HS2ST1: variants seen among roughly 807,000 people sequenced by gnomAD.
HS2ST1 encodes 2-O-sulfotransferase.
Under a neutral mutation model 42.9 loss-of-function variants are expected in HS2ST1, and 18 were observed. The observed-to-expected ratio is 0.42, with a 90% confidence interval of 0.29 to 0.62. HS2ST1 has a LOEUF of 0.62. HS2ST1 is among the 20% of genes least tolerant of loss of function. HS2ST1 has a pLI of 0.21. For synonymous variants in HS2ST1, 146 were observed against 152.9 expected, an observed-to-expected ratio of 0.95 and a Z score of 0.33; for missense variants, 334 against 433.8, an observed-to-expected ratio of 0.77 and a Z score of 2.04.
At chr1:87,095,946 T>A (rs1181520563) in intron 4 of HS2ST1, among the ~76,000 whole-genome samples, 1 of 151,600 alleles carries the variant, frequency 6.6e-6, no homozygotes, top group African/African-American at 2.4e-5. Context: ...TCATCTGGCT[T>A]ACTATAGACA....
chr1:87,096,283 T>C (rs1652064806), intron 4 of HS2ST1, among the ~76,000 whole-genome samples: 1 of 152,220 alleles, frequency 6.6e-6, no homozygotes, highest in African/African-American at 2.4e-5. Flanking sequence ...TCTATTGATA[T>C]GTTTTACACT....
chr1:87,049,792 T>C (rs1286689584), intron 1 of HS2ST1, among the ~76,000 whole-genome samples: 1 of 152,076 alleles, frequency 6.6e-6, no homozygotes, highest in East Asian at 1.9e-4. Context: ...ATGATATTGT[T>C]CAAATTTGCT....
Position 87,048,883 on chromosome 1 carries a change from AG to A in HS2ST1, c.125-24048del, listed in dbSNP as rs1159553521. On this transcript the variant is annotated intron_variant, in intron 1 of 6. Coordinates refer to ENST00000370550, the MANE Select transcript of HS2ST1 (RefSeq NM_012262.4). ...AATGTTGTTAATTTTTGCCTCTATAAGGGATTTCATGTCTGATTTTGGTATC... is the reference window on the plus strand; with the variant it reads ...AATGTTGTTAATTTTTGCCTCTATAAGGATTTCATGTCTGATTTTGGTATC... Among the ~76,000 whole-genome samples the A allele has an allele frequency of 2.6e-5, 4 of 152,262 alleles. No individual in the cohort carries two copies. The East Asian group carries it at 7.7e-4, about 29-fold the overall frequency.
intron 1 of HS2ST1, among the ~76,000 whole-genome samples, chr1:87,028,922 A>G (rs1397650343): frequency 6.6e-6 from 1 of 152,198 alleles, no homozygotes; most frequent in Admixed American, 6.5e-5. Context: ...TACTTTATAC[A>G]AAGGTAGTGA....
chr1:87,020,361 G>A (rs2100586859), intron 1 of HS2ST1, among the ~76,000 whole-genome samples: 1 of 152,256 alleles, frequency 6.6e-6, no homozygotes, highest in South Asian at 2.1e-4. Context: ...TGTCTGATCA[G>A]CTACTATTTG....
Position 87,073,012 on chromosome 1 carries a change from T to TA in HS2ST1, c.204dup (p.Asp69ArgfsTer2). 1 of 1,614,094 alleles carries TA rather than the reference T, an allele frequency of 6.2e-7. No homozygotes were observed. The highest frequency in any genetic ancestry group is 1.7e-5 in the Admixed American group (1 of 60,012). On this transcript the variant is annotated frameshift_variant, in exon 2 of 7. Coordinates refer to ENST00000370550, the MANE Select transcript of HS2ST1 (RefSeq NM_012262.4). LOFTEE classifies it high-confidence loss of function. ...GATGGCCCTCGGCAAGATGCCACTT[T>TA]AGATGAGGAAGAGGACATGGTGATC... is the stretch of plus-strand genomic sequence containing the variant.
At chr1:87,028,020 G>A (rs1367222978) in intron 1 of HS2ST1, among the ~76,000 whole-genome samples, 2 of 152,196 alleles carry the variant, frequency 1.3e-5, no homozygotes, top group African/African-American at 4.8e-5. Context: ...GTTAAGAAAT[G>A]CTACCTTAGA....
chr1:86,973,237 A>G (rs1182965368), intron 1 of HS2ST1, among the ~76,000 whole-genome samples: 1 of 150,332 alleles, frequency 6.7e-6, no homozygotes, highest in African/African-American at 2.5e-5. Context: ...TTTTTTTTAA[A>G]TCTAACTAAT....
At chr1:87,059,878 C>A (rs918680747) in intron 1 of HS2ST1, among the ~76,000 whole-genome samples, 2 of 152,112 alleles carry the variant, frequency 1.3e-5, no homozygotes, top group African/African-American at 4.8e-5. Context: ...ATTCTACTTA[C>A]AATTTGAATA....
chr1:87,092,077 C>T (rs1651959389), intron 3 of HS2ST1, among the ~76,000 whole-genome samples: 1 of 152,010 alleles, frequency 6.6e-6, no homozygotes, highest in Admixed American at 6.6e-5. Flanking sequence ...TTGAAACTTT[C>T]TGTAGCAGCA....
intron 1 of HS2ST1, chr1:87,064,496 T>C (rs1316890556): frequency 3.9e-6 from 2 of 518,726 alleles, no homozygotes; most frequent in South Asian, 2.8e-5. Flanking sequence ...GGATGATTCA[T>C]ATAACCATAA....
At chr1:87,094,354 C>T (rs1380950076) in intron 4 of HS2ST1, among the ~76,000 whole-genome samples, 1 of 151,962 alleles carries the variant, frequency 6.6e-6, no homozygotes, top group Non-Finnish European at 1.5e-5. Flanking sequence ...TAATTATTAA[C>T]AGTAATAATA....
At position 86,984,390 on chromosome 1, in the gene HS2ST1, C is replaced by T. The variant is rs75988966; in HGVS notation, c.124+69230C>T. Among the ~76,000 whole-genome samples the T allele has an allele frequency of 3.1e-4, 47 of 152,200 alleles. No individual in the cohort carries two copies. The South Asian group carries it at 4.1e-3, about 13-fold the overall frequency. On this transcript the variant is annotated intron_variant, in intron 1 of 6. Transcript: ENST00000370550. The stretch of plus-strand genomic sequence containing the variant: ...TAGCTTGGAATTCATTTGGTTTCCT[C>T]GACGCTTTCTAGCAGGAAGCTTTTC...
At chr1:87,100,320 A>G (rs1181256323) in intron 5 of HS2ST1, among the ~76,000 whole-genome samples, 1 of 152,166 alleles carries the variant, frequency 6.6e-6, no homozygotes, top group African/African-American at 2.4e-5. Context: ...GCTCCCCCAG[A>G]GTGGTGGCCC....
intron 1 of HS2ST1, among the ~76,000 whole-genome samples, chr1:86,940,319 A>G (rs1660734048): frequency 6.6e-6 from 1 of 152,222 alleles, no homozygotes; most frequent in African/African-American, 2.4e-5. Context: ...GTCTGCAGTG[A>G]GCTATGGTCT....
chr1:86,963,865 G>A (rs1171378849), intron 1 of HS2ST1, among the ~76,000 whole-genome samples: 1 of 147,798 alleles, frequency 6.8e-6, no homozygotes, highest in Non-Finnish European at 1.5e-5. Context: ...CGGACGGGGT[G>A]GCTGGCCGGG....
intron 1 of HS2ST1, among the ~76,000 whole-genome samples, chr1:86,963,876 C>A (rs942304882): frequency 7.5e-5 from 11 of 147,592 alleles, no homozygotes; most frequent in Admixed American, 3.3e-4. Context: ...GCTGGCCGGG[C>A]GGGGCGGCTG....
chr1:87,058,673 CT>C (rs1436000969), intron 1 of HS2ST1, among the ~76,000 whole-genome samples: 1 of 151,510 alleles, frequency 6.6e-6, no homozygotes, highest in Non-Finnish European at 1.5e-5. Flanking sequence ...TGAATTCTGA[CT>C]TTTTTCCCCT....
intron 1 of HS2ST1, among the ~76,000 whole-genome samples, chr1:86,983,584 A>G (rs1648663476): frequency 1.3e-5 from 2 of 152,340 alleles, no homozygotes; most frequent in Non-Finnish European, 2.9e-5. Context: ...GCCAAACCAT[A>G]TTAAAATAGT....
Sources: gnomAD v4.1 joint callset for allele counts (sites outside exome capture counted in the v4.1 genomes callset) on GRCh38, gnomAD v4.1.1 for gene constraint, MANE v1.5 for transcripts, NCBI Gene and HGNC (gene_info 2026-07-23, HGNC 2026-07-21) for gene names.